ERBB4: variants seen among roughly 807,000 people sequenced by gnomAD.
ERBB4 encodes erb-b2 receptor tyrosine kinase 4.
In ERBB4, 42 loss-of-function variants were observed where a neutral mutation model predicts 158.0. That is an observed-to-expected ratio of 0.27 (90% CI 0.21 to 0.34). The LOEUF is 0.34. Ranked by LOEUF, ERBB4 falls within the 10% of genes least tolerant of loss-of-function variation. ERBB4 has a pLI of 1.00. For missense variants in ERBB4, 1,333 were observed against 1,624.1 expected (o/e 0.82, Z 3.08); for synonymous variants, 583 against 558.7 (o/e 1.04, Z -0.61).
chr2:212,074,742 A>G (rs1480181909), intron 2 of ERBB4, among the ~76,000 whole-genome samples: 13 of 151,952 alleles, frequency 8.6e-5, no homozygotes, highest in Admixed American at 7.9e-4. Context: ...TTTTCTTACA[A>G]CTAGACACTG....
At chr2:211,524,393 G>T (rs1018868782) in intron 20 of ERBB4, among the ~76,000 whole-genome samples, 3 of 151,914 alleles carry the variant, frequency 2.0e-5, no homozygotes, top group Non-Finnish European at 4.4e-5. Context: ...CTCAGCCCTT[G>T]GGTGGTCAAT....
chr2:212,000,256 AT>A (rs1241307454), intron 2 of ERBB4, among the ~76,000 whole-genome samples: 5 of 151,880 alleles, frequency 3.3e-5, no homozygotes, highest in Non-Finnish European at 5.9e-5. Context: ...CCCAAGAGTT[AT>A]TACATTTACC....
intron 1 of ERBB4, among the ~76,000 whole-genome samples, chr2:212,505,462 T>A: frequency 8.0e-6 from 1 of 124,252 alleles, no homozygotes; most frequent in Non-Finnish European, 2.0e-5. Context: ...GTCATATGTG[T>A]AAAAACTCTT....
At chr2:212,225,629 T>C (rs2105966963) in intron 1 of ERBB4, among the ~76,000 whole-genome samples, 1 of 150,348 alleles carries the variant, frequency 6.7e-6, no homozygotes, top group East Asian at 1.9e-4. Flanking sequence ...ATAATTTTCA[T>C]ATGTAATATT....
intron 1 of ERBB4, among the ~76,000 whole-genome samples, chr2:212,188,498 A>G (rs1286907321): frequency 6.6e-6 from 1 of 151,882 alleles, no homozygotes; most frequent in Non-Finnish European, 1.5e-5. Flanking sequence ...TTTTAAAAAC[A>G]GAAAAGCTAA....
intron 3 of ERBB4, among the ~76,000 whole-genome samples, chr2:211,875,728 G>T (rs1559601297): frequency 6.6e-6 from 1 of 152,080 alleles, no homozygotes; most frequent in African/African-American, 2.4e-5. Context: ...TTCTTATCCA[G>T]AACAACCACC....
chr2:211,657,882 C>A, intron 15 of ERBB4, 54 bp from the exon 16 acceptor site: 3 of 1,601,740 alleles, frequency 1.9e-6, no homozygotes, highest in Non-Finnish European at 2.6e-6. Context: ...GTGACATGCA[C>A]ACACATGCAC....
intron 1 of ERBB4, among the ~76,000 whole-genome samples, chr2:212,236,524 T>C (rs1210796160): frequency 2.0e-5 from 3 of 152,216 alleles, no homozygotes; most frequent in Admixed American, 1.3e-4. Flanking sequence ...TTGTTTGGAA[T>C]AATTTCAGAA....
At chr2:211,460,236 T>C (rs2064494866) in intron 20 of ERBB4, among the ~76,000 whole-genome samples, 1 of 152,180 alleles carries the variant, frequency 6.6e-6, no homozygotes. Context: ...GTATGTCTTT[T>C]AAGTCAAATG....
chr2:211,905,744 G>GTATATA (rs66837219), intron 3 of ERBB4, among the ~76,000 whole-genome samples: 7,035 of 119,064 alleles, frequency 0.059, 266 homozygotes, highest in Non-Finnish European at 0.088. Flanking sequence ...GCATGTGTGT[G>GTATATA]TATATATATA....
intron 13 of ERBB4, among the ~76,000 whole-genome samples, chr2:211,677,117 G>A (rs1037993294): frequency 1.3e-5 from 2 of 152,096 alleles, no homozygotes; most frequent in African/African-American, 4.8e-5. Context: ...ATCTTGCAAA[G>A]AAGAGACATG....
intron 3 of ERBB4, among the ~76,000 whole-genome samples, chr2:211,812,098 G>C (rs2076769368): frequency 6.6e-6 from 1 of 152,196 alleles, no homozygotes; most frequent in Admixed American, 6.5e-5. Context: ...CTTTGGAGGA[G>C]AAGACGCGCT....
chr2:212,158,446 T>TACCAA (rs1447673559), intron 1 of ERBB4, among the ~76,000 whole-genome samples: 1 of 151,958 alleles, frequency 6.6e-6, no homozygotes, highest in Non-Finnish European at 1.5e-5. Flanking sequence ...TTACTTCCTT[T>TACCAA]ACCAAAAGTT....
At position 211,861,019 on chromosome 2, in the gene ERBB4, TATATATATAA is replaced by T. The variant is rs1559585071; in HGVS notation, c.422-72870_422-72861del. Among the ~76,000 whole-genome samples the T allele has an allele frequency of 1.0e-3, 9 of 8,806 alleles. 1 individual carries two copies. In the East Asian group the frequency reaches 0.013, roughly 13 times the overall value. 5.8% of individuals were successfully genotyped at this position (8,806 alleles called of 152,430 possible). ...AATATATTATATATTTATATATTTA[TATATATATAA>T]ATATAATATATTTATATATTTATAT... On this transcript the variant is annotated intron_variant, in intron 3 of 27. Transcript: ENST00000342788.
intron 1 of ERBB4, among the ~76,000 whole-genome samples, chr2:212,347,142 C>T (rs1345009442): frequency 6.6e-6 from 1 of 152,060 alleles, no homozygotes; most frequent in African/African-American, 2.4e-5. Context: ...TTGACTCTCT[C>T]CTCATGGAAA....
intron 1 of ERBB4, among the ~76,000 whole-genome samples, chr2:212,326,739 T>C (rs1330682306): frequency 6.6e-6 from 1 of 150,874 alleles, no homozygotes; most frequent in Non-Finnish European, 1.5e-5. Context: ...CGTTTGTTCC[T>C]TCATCTTGTT....
intron 1 of ERBB4, among the ~76,000 whole-genome samples, chr2:212,431,351 CTT>C (rs2092026221): frequency 8.3e-6 from 1 of 119,918 alleles, no homozygotes; most frequent in Non-Finnish European, 1.8e-5. Context: ...TATTTTTATT[CTT>C]GTTTTCTTTG....
At chr2:212,061,983 C>T (rs2077784875) in intron 2 of ERBB4, among the ~76,000 whole-genome samples, 1 of 152,088 alleles carries the variant, frequency 6.6e-6, no homozygotes, top group Non-Finnish European at 1.5e-5. Flanking sequence ...GATCCACCTG[C>T]CTCGGCCTCC....
chr2:211,687,808 C>T (rs551462967), intron 12 of ERBB4, among the ~76,000 whole-genome samples: 11 of 152,288 alleles, frequency 7.2e-5, no homozygotes, highest in African/African-American at 2.4e-4. Context: ...AGATCTCACA[C>T]CTGTCTGTCT....
Sources: gnomAD v4.1 joint callset for allele counts (sites outside exome capture counted in the v4.1 genomes callset) on GRCh38, gnomAD v4.1.1 for gene constraint, MANE v1.5 for transcripts, NCBI Gene and HGNC (gene_info 2026-07-23, HGNC 2026-07-21) for gene names.